The following CAMTA1 variants were observed in gnomAD, a reference collection of about 807,000 sequenced individuals.
CAMTA1 encodes the protein calmodulin-binding transcription activator 1.
CAMTA1 carries 27 observed loss-of-function variants against 170.9 expected under a neutral mutation model. The observed-to-expected ratio is 0.16, with a 90% confidence interval of 0.12 to 0.22. CAMTA1 has a LOEUF of 0.22. Ranked by LOEUF, CAMTA1 falls within the 10% of genes least tolerant of loss-of-function variation. The pLI is 1.00. For synonymous variants in CAMTA1, 833 were observed against 891.5 expected, an observed-to-expected ratio of 0.93 and a Z score of 1.17; for missense variants, 1,619 against 2,217.2, an observed-to-expected ratio of 0.73 and a Z score of 5.42.
intron 11 of CAMTA1, among the ~76,000 whole-genome samples, chr1:7,689,814 A>G (rs3124798): frequency 0.93 from 140,787 of 152,118 alleles, 65,257 homozygotes; most frequent in East Asian, 1. Context: ...TCTCCATCCC[A>G]CAGCCAAATT....
At chr1:7,386,358 T>G (rs891533805) in intron 5 of CAMTA1, among the ~76,000 whole-genome samples, 2 of 152,296 alleles carry the variant, frequency 1.3e-5, no homozygotes, top group East Asian at 3.9e-4. Context: ...GAGAGAGAGA[T>G]GCAGTGTCCG....
intron 3 of CAMTA1, among the ~76,000 whole-genome samples, chr1:6,978,401 A>G (rs1280415908): frequency 2.0e-5 from 3 of 152,144 alleles, no homozygotes; most frequent in Admixed American, 2.0e-4. Context: ...TGGGAGGTTG[A>G]GGTGGGTGGA....
chr1:7,230,444 C>A (rs1319355574), intron 4 of CAMTA1, among the ~76,000 whole-genome samples: 1 of 74,470 alleles, frequency 1.3e-5, no homozygotes, highest in Admixed American at 1.1e-4. Flanking sequence ...CCCCCCCCCC[C>A]GCCCCGCAAA....
chr1:6,959,970 C>T (rs1023202794), intron 3 of CAMTA1, among the ~76,000 whole-genome samples: 6 of 152,280 alleles, frequency 3.9e-5, no homozygotes, highest in Admixed American at 3.3e-4. Flanking sequence ...ACACTGCGTG[C>T]CTGTTCATCA....
At position 6,820,330 on chromosome 1, in the gene CAMTA1, A is replaced by G. The variant is rs999544376; in HGVS notation, c.115+80A>G. 6 of 1,453,076 alleles carry G rather than the reference A, an allele frequency of 4.1e-6. No individual in the cohort carries two copies. In the African/African-American group the frequency reaches 7.0e-5, roughly 17 times the overall value. 90.0% of individuals were successfully genotyped at this position (1,453,076 alleles called of 1,614,324 possible). A position where few individuals can be genotyped will look rare whatever the true frequency, so the allele number is the denominator to read the frequency against. On this transcript the variant is annotated intron_variant, in intron 2 of 22. Coordinates refer to ENST00000303635, the MANE Select transcript of CAMTA1 (RefSeq NM_015215.4). ...GTAATTATCATCTAGTACAGTGGAAACAGCCTTCAGCCCGGACTCAGAAGA... is the reference window on the plus strand; with the variant it reads ...GTAATTATCATCTAGTACAGTGGAAGCAGCCTTCAGCCCGGACTCAGAAGA...
At chr1:7,753,761 T>C (rs1014695122) in intron 21 of CAMTA1, among the ~76,000 whole-genome samples, 9 of 152,238 alleles carry the variant, frequency 5.9e-5, no homozygotes, top group African/African-American at 2.2e-4. Context: ...TATGATGCCA[T>C]GCAGAAGCTA....
At chr1:7,069,917 CTT>C (rs1198757544) in intron 3 of CAMTA1, among the ~76,000 whole-genome samples, 1 of 152,248 alleles carries the variant, frequency 6.6e-6, no homozygotes, top group African/African-American at 2.4e-5. Context: ...GCAGCTGAGA[CTT>C]ATAAAGCCCG....
At position 7,769,698 on chromosome 1, in the gene CAMTA1, T is replaced by C. The variant is rs1328558879; in HGVS notation, c.*3207T>C. The C allele has an allele frequency of 6.6e-6, 1 of 152,410 alleles. No individual in the cohort carries two copies. The highest frequency in any genetic ancestry group is 2.4e-5 in the African/African-American group (1 of 41,462). 9.4% of individuals were successfully genotyped at this position (152,410 alleles called of 1,614,324 possible). On this transcript the variant is annotated 3_prime_UTR_variant, in exon 23 of 23. Transcript: ENST00000303635. ...GCTGTAAATTAAAAATGAAGAAAATTTCCCCATACTACGTGTGTGTTTTGC... is the reference window on the plus strand; with the variant it reads ...GCTGTAAATTAAAAATGAAGAAAATCTCCCCATACTACGTGTGTGTTTTGC...
At chr1:7,608,297 T>C (rs1364977013) in intron 6 of CAMTA1, among the ~76,000 whole-genome samples, 2 of 152,158 alleles carry the variant, frequency 1.3e-5, no homozygotes, top group African/African-American at 2.4e-5. Flanking sequence ...AGGTGGTAGA[T>C]GGGAGAGGCA....
chr1:6,990,781 C>G (rs1028516718), intron 3 of CAMTA1, among the ~76,000 whole-genome samples: 3 of 121,508 alleles, frequency 2.5e-5, no homozygotes, highest in African/African-American at 1.1e-4. Flanking sequence ...CTTTCTCTCT[C>G]TCTGTCTCTC....
rs1240317145 is a variant in CAMTA1 at position 7,325,428 on chromosome 1, G to C, written c.438+75802G>C. ...AAACACTGAGGTGGAGGGACAGCCA[G>C]TACAGAGTTTTAAACTGGAGCATGC... On this transcript the variant is annotated intron_variant, in intron 5 of 22. Transcript: ENST00000303635. This position sits in a 1 kb window ranked among gnomAD's most constrained non-coding sequence, Gnocchi z 5.0. Among the ~76,000 whole-genome samples the C allele has an allele frequency of 6.6e-6, 1 of 152,194 alleles. No individual in the cohort carries two copies. Among genetic ancestry groups the C allele is most frequent in the South Asian group, 2.1e-4 (1 of 4,824 alleles).
Position 7,064,613 on chromosome 1 carries a change from C to T in CAMTA1, c.235-26691C>T, listed in dbSNP as rs149102969. On this transcript the variant is annotated intron_variant, in intron 3 of 22. Coordinates refer to ENST00000303635, the MANE Select transcript of CAMTA1 (RefSeq NM_015215.4). The surrounding 1 kb of genome is among the most constrained non-coding windows in gnomAD (Gnocchi z 5.4). Reference sequence around the variant, plus strand: ...AGAGAGGAAGGTGGCCAGTGGAGGGCCAGGAAAGGAGGATTTTGGGTGAAG... The same window carrying T: ...AGAGAGGAAGGTGGCCAGTGGAGGGTCAGGAAAGGAGGATTTTGGGTGAAG... Among the ~76,000 whole-genome samples the T allele has an allele frequency of 6.6e-6, 1 of 151,900 alleles. No individual in the cohort carries two copies. The highest frequency in any genetic ancestry group is 1.9e-4 in the East Asian group (1 of 5,154).
chr1:7,016,089 T>C (rs549647158), intron 3 of CAMTA1, among the ~76,000 whole-genome samples: 1 of 152,234 alleles, frequency 6.6e-6, no homozygotes, highest in African/African-American at 2.4e-5. Flanking sequence ...CCAAACCATG[T>C]CATGCAGCCA....
chr1:7,298,832 C>T (rs896063698), intron 5 of CAMTA1, among the ~76,000 whole-genome samples: 6 of 152,176 alleles, frequency 3.9e-5, no homozygotes, highest in Admixed American at 1.3e-4. Flanking sequence ...GAGTCAGTCC[C>T]TAATGGGCTC....
At chr1:7,557,048 C>A (rs954963919) in intron 6 of CAMTA1, among the ~76,000 whole-genome samples, 2 of 152,156 alleles carry the variant, frequency 1.3e-5, no homozygotes, top group Non-Finnish European at 1.5e-5. Context: ...TGGCTCACAC[C>A]TGTAATCCCA....
intron 3 of CAMTA1, among the ~76,000 whole-genome samples, chr1:7,038,732 A>G (rs1403657884): frequency 1.3e-5 from 2 of 152,214 alleles, no homozygotes; most frequent in Non-Finnish European, 2.9e-5. Flanking sequence ...CAGATATTGT[A>G]TGTACCCATT....
intron 4 of CAMTA1, among the ~76,000 whole-genome samples, chr1:7,192,307 G>A (rs914942119): frequency 2.0e-5 from 3 of 152,212 alleles, no homozygotes; most frequent in Admixed American, 6.5e-5. Context: ...GTGCTATGGC[G>A]TCTGACCTGG....
intron 8 of CAMTA1, among the ~76,000 whole-genome samples, chr1:7,663,132 G>A (rs1279725078): frequency 2.6e-5 from 4 of 152,220 alleles, no homozygotes; most frequent in Non-Finnish European, 5.9e-5. Context: ...TTTGGAGGAG[G>A]GTCAAAGGGG....
At chr1:6,818,505 ATCC>A (rs1248623998) in intron 1 of CAMTA1, among the ~76,000 whole-genome samples, 2 of 152,168 alleles carry the variant, frequency 1.3e-5, no homozygotes, top group Admixed American at 6.5e-5. Context: ...GTATTACCTA[ATCC>A]TCCTCCTGCC....
Sources: gnomAD v4.1 joint callset for allele counts (sites outside exome capture counted in the v4.1 genomes callset) on GRCh38, gnomAD v4.1.1 for gene constraint, Gnocchi (gnomAD v3.1) non-coding constraint, MANE v1.5 for transcripts, NCBI Gene and HGNC (gene_info 2026-07-23, HGNC 2026-07-21) for gene names.